The following ZNF407 variants were observed in gnomAD, a reference collection of about 807,000 sequenced individuals.
The protein encoded by ZNF407 is zinc finger protein 407.
In ZNF407, 17 loss-of-function variants were observed where a neutral mutation model predicts 131.2. The ratio of observed to expected loss-of-function variants is 0.13; its 90% confidence interval spans 0.09 to 0.19. ZNF407 has a LOEUF of 0.19. Among genes scored for constraint, ZNF407 ranks in the 10% least tolerant of loss-of-function variants. The pLI, the probability that ZNF407 is intolerant of heterozygous loss-of-function variation, is 1.00. For synonymous variants in ZNF407, 1,156 were observed against 1,062.0 expected (o/e 1.09, Z -1.72); for missense variants, 2,681 against 2,830.6 (o/e 0.95, Z 1.20).
intron 8 of ZNF407, among the ~76,000 whole-genome samples, chr18:74,994,619 CTG>C (rs531544363): frequency 1.1e-3 from 161 of 152,340 alleles, no homozygotes; most frequent in African/African-American, 3.7e-3. Flanking sequence ...GTGTGTCCAT[CTG>C]TGCAGAGAGC....
intron 8 of ZNF407, among the ~76,000 whole-genome samples, chr18:75,051,166 T>C (rs1238849416): frequency 6.6e-6 from 1 of 151,996 alleles, no homozygotes; most frequent in Non-Finnish European, 1.5e-5. Flanking sequence ...CTACCTAATG[T>C]CTCTAAAACC....
chr18:74,921,775 G>T (rs1000779913), intron 8 of ZNF407, among the ~76,000 whole-genome samples: 1 of 152,176 alleles, frequency 6.6e-6, no homozygotes, highest in Admixed American at 6.5e-5. Flanking sequence ...ATATGATGGG[G>T]TCGTTAGTAG....
At chr18:74,766,785 C>T (rs917726662) in intron 3 of ZNF407, among the ~76,000 whole-genome samples, 1 of 152,174 alleles carries the variant, frequency 6.6e-6, no homozygotes, top group African/African-American at 2.4e-5. Context: ...TACATTTTCT[C>T]TTTGCTGCCT....
chr18:74,777,568 C>T (rs138316446), intron 3 of ZNF407, among the ~76,000 whole-genome samples: 214 of 152,230 alleles, frequency 1.4e-3, no homozygotes, highest in African/African-American at 5.0e-3. Flanking sequence ...TGGATCATTT[C>T]TTTGATTTCT....
chr18:74,896,836 G>A (rs1487933150), intron 7 of ZNF407, among the ~76,000 whole-genome samples: 3 of 152,160 alleles, frequency 2.0e-5, no homozygotes, highest in African/African-American at 7.2e-5. Flanking sequence ...AAGTGTGAAT[G>A]TTGTACTATG....
At chr18:74,627,804 TTC>T (rs1447282120) in intron 1 of ZNF407, among the ~76,000 whole-genome samples, 1 of 148,782 alleles carries the variant, frequency 6.7e-6, no homozygotes, top group Non-Finnish European at 1.5e-5. Flanking sequence ...CTTTCTCTCT[TTC>T]TCTCTTTCTG....
intron 4 of ZNF407, among the ~76,000 whole-genome samples, chr18:74,831,758 T>C (rs546767475): frequency 1.3e-5 from 2 of 152,292 alleles, no homozygotes; most frequent in Admixed American, 1.3e-4. Flanking sequence ...CCTGCCCTGC[T>C]GTGCATCACC....
Position 74,759,665 on chromosome 18 carries a change from G to A in ZNF407, c.4803-21763G>A, listed in dbSNP as rs745770314. ...CTTGAGTTCCTCTAGTGAATTTTTC[G>A]TTCAATTATTTTACTTTTCAGCTCC... is the stretch of plus-strand genomic sequence containing the variant. On this transcript the variant is annotated intron_variant, in intron 3 of 8. Transcript: ENST00000299687. Among the ~76,000 whole-genome samples, 9 of 151,324 alleles carry A rather than the reference G, an allele frequency of 5.9e-5. 1 individual carries two copies. The highest frequency in any genetic ancestry group is 2.1e-4 in the South Asian group (1 of 4,752).
chr18:74,834,288 T>A lies in ZNF407; in HGVS notation c.4878-42909T>A, dbSNP rs572399925. ...TTTTTGTTCAGTTTAGGGGAAAAAA[T>A]TGGCCCCATAGGGCCTTCTTGCAGC... On this transcript the variant is annotated intron_variant, in intron 4 of 8. Transcript: ENST00000299687. Among the ~76,000 whole-genome samples the A allele has an allele frequency of 4.7e-4, 72 of 152,348 alleles. 1 individual carries two copies. The highest frequency in any genetic ancestry group is 4.1e-4 in the Non-Finnish European group (28 of 68,020).
At chr18:74,672,866 T>C (rs774468552) in intron 3 of ZNF407, among the ~76,000 whole-genome samples, 4 of 152,316 alleles carry the variant, frequency 2.6e-5, no homozygotes, top group Non-Finnish European at 4.4e-5. Flanking sequence ...TAATTTGTGC[T>C]CCCTACCCAT....
At chr18:74,893,883 G>A (rs935773456) in intron 7 of ZNF407, among the ~76,000 whole-genome samples, 1 of 151,992 alleles carries the variant, frequency 6.6e-6, no homozygotes. Flanking sequence ...TTCCTGTGGA[G>A]TATTCCTATA....
chr18:74,805,868 G>A (rs1252422527), intron 4 of ZNF407, among the ~76,000 whole-genome samples: 2 of 152,202 alleles, frequency 1.3e-5, no homozygotes, highest in Non-Finnish European at 2.9e-5. Flanking sequence ...ATGTTACGTT[G>A]TGTGAGAAAA....
intron 4 of ZNF407, among the ~76,000 whole-genome samples, chr18:74,839,946 G>A (rs1008323347): frequency 4.6e-5 from 7 of 152,134 alleles, no homozygotes; most frequent in African/African-American, 1.7e-4. Context: ...GGAAGCAAGT[G>A]AAGAATTTCT....
chr18:74,803,980 C>T (rs373509736), intron 4 of ZNF407: 44 of 1,551,560 alleles, frequency 2.8e-5, no homozygotes, highest in East Asian at 2.4e-5. Context: ...GGTTGCATAT[C>T]GAAAGATCGG....
At chr18:74,993,347 T>C (rs1276793728) in intron 8 of ZNF407, among the ~76,000 whole-genome samples, 7 of 152,218 alleles carry the variant, frequency 4.6e-5, no homozygotes, top group Non-Finnish European at 1.0e-4. Context: ...CACTACATTA[T>C]GGATGAGTCT....
At chr18:74,997,890 A>C (rs955424047) in intron 8 of ZNF407, among the ~76,000 whole-genome samples, 1 of 152,158 alleles carries the variant, frequency 6.6e-6, no homozygotes, top group Non-Finnish European at 1.5e-5. Context: ...TTTTCTACTC[A>C]ATCTTAAATT....
chr18:75,012,265 A>T (rs1431268053), intron 8 of ZNF407, among the ~76,000 whole-genome samples: 1 of 149,854 alleles, frequency 6.7e-6, no homozygotes, highest in Non-Finnish European at 1.5e-5. Flanking sequence ...CTATACACAT[A>T]GTGTATGTAC....
At chr18:74,610,755 T>C (rs1018897338) in intron 1 of ZNF407, among the ~76,000 whole-genome samples, 4 of 152,024 alleles carry the variant, frequency 2.6e-5, no homozygotes, top group Non-Finnish European at 5.9e-5. Flanking sequence ...GGTTTCACCA[T>C]GTTGGCCAGG....
At chr18:74,727,012 T>C (rs1438872080) in intron 3 of ZNF407, among the ~76,000 whole-genome samples, 3 of 152,232 alleles carry the variant, frequency 2.0e-5, no homozygotes, top group Non-Finnish European at 4.4e-5. Flanking sequence ...ACCAGAATCA[T>C]TTAATAAATC....
Sources: allele counts gnomAD v4.1 joint callset (sites outside exome capture counted in the v4.1 genomes callset), GRCh38; gene constraint gnomAD v4.1.1; transcripts MANE v1.5; gene names NCBI Gene and HGNC (gene_info 2026-07-23, HGNC 2026-07-21).